The following ABCA13 variants were observed in gnomAD, a reference collection of about 807,000 sequenced individuals.
ABCA13 encodes the protein ATP-binding cassette sub-family A member 13.
A neutral mutation model predicts 478.7 loss-of-function variants in ABCA13; 476 were observed. The ratio of observed to expected loss-of-function variants is 0.99; its 90% CI spans 0.92 to 1.07. The LOEUF is 1.07. Ranked by LOEUF, ABCA13 falls within the 50% of genes least tolerant of loss-of-function variation. The pLI, the probability that ABCA13 is intolerant of heterozygous loss-of-function variation, is 0.00. For missense variants in ABCA13, 6,060 were observed against 5,910.6 expected, an observed-to-expected ratio of 1.03 and a Z score of -0.83; for synonymous variants, 2,252 against 2,158.9, an observed-to-expected ratio of 1.04 and a Z score of -1.20.
At chr7:48,330,855 AG>A (rs1584883003) in intron 27 of ABCA13, among the ~76,000 whole-genome samples, 1 of 152,180 alleles carries the variant, frequency 6.6e-6, no homozygotes, top group East Asian at 1.9e-4. Flanking sequence ...GGGAGAAAGC[AG>A]GCTCTTATTA....
intron 55 of ABCA13, among the ~76,000 whole-genome samples, chr7:48,562,735 G>T (rs1786593117): frequency 6.6e-6 from 1 of 152,078 alleles, no homozygotes; most frequent in African/African-American, 2.4e-5. Flanking sequence ...TTTGGTGTTT[G>T]TTACATGTTC....
intron 27 of ABCA13, among the ~76,000 whole-genome samples, chr7:48,318,411 C>A (rs867337234): frequency 1.3e-5 from 2 of 151,980 alleles, no homozygotes; most frequent in Middle Eastern, 3.2e-3. Context: ...TGCAGTGGTG[C>A]AATCATAGCT....
chr7:48,377,828 G>T (rs2129038215), intron 35 of ABCA13, among the ~76,000 whole-genome samples: 1 of 152,298 alleles, frequency 6.6e-6, no homozygotes, highest in Non-Finnish European at 1.5e-5. Flanking sequence ...TGACTATTGA[G>T]AAGAAGCAAA....
At chr7:48,211,342 C>A (rs1342292275) in intron 3 of ABCA13, among the ~76,000 whole-genome samples, 1 of 152,340 alleles carries the variant, frequency 6.6e-6, no homozygotes, top group South Asian at 2.1e-4. Context: ...CTGTTTCATT[C>A]CTAAGCCCAA....
At chr7:48,539,299 A>G (rs1440289683) in intron 55 of ABCA13, among the ~76,000 whole-genome samples, 3 of 151,372 alleles carry the variant, frequency 2.0e-5, no homozygotes, top group African/African-American at 7.4e-5. Flanking sequence ...ATAGGCACAT[A>G]ATAGCTGGTC....
At position 48,620,344 on chromosome 7, in the gene ABCA13, G is replaced by A. The variant is rs114002910; in HGVS notation, c.14837+4967G>A. ...ATATGAAAAATAAAGAAAATCCTCAGGCTAAGTAAAAGCAGCATGACCATT... is the reference window on the plus strand; with the variant it reads ...ATATGAAAAATAAAGAAAATCCTCAAGCTAAGTAAAAGCAGCATGACCATT... On this transcript the variant is annotated intron_variant, in intron 59 of 61. Coordinates refer to ENST00000435803, the MANE Select transcript of ABCA13 (RefSeq NM_152701.5). Among the ~76,000 whole-genome samples the A allele has an allele frequency of 8.6e-3, 1,310 of 152,236 alleles. 24 individuals are homozygous for A. The highest frequency in any genetic ancestry group is 0.03 in the African/African-American group (1,233 of 41,554).
intron 42 of ABCA13, among the ~76,000 whole-genome samples, chr7:48,441,111 TC>T (rs1211723017): frequency 5.3e-5 from 8 of 152,186 alleles, no homozygotes; most frequent in Non-Finnish European, 1.2e-4. Flanking sequence ...TTTATTATAT[TC>T]TTCAAATTCC....
intron 3 of ABCA13, among the ~76,000 whole-genome samples, chr7:48,203,205 A>G (rs1584161314): frequency 1.3e-5 from 2 of 151,968 alleles, no homozygotes; most frequent in Admixed American, 6.5e-5. Flanking sequence ...GGCTGCTCCG[A>G]GTGCGGGCGG....
chr7:48,640,125 A>C (rs1012370582), intron 59 of ABCA13, among the ~76,000 whole-genome samples: 3 of 152,244 alleles, frequency 2.0e-5, no homozygotes, highest in African/African-American at 7.2e-5. Context: ...TTAATATTAT[A>C]TAATAGCCAT....
At chr7:48,208,935 G>T (rs983338668) in intron 3 of ABCA13, among the ~76,000 whole-genome samples, 5 of 152,002 alleles carry the variant, frequency 3.3e-5, no homozygotes, top group Non-Finnish European at 7.4e-5. Flanking sequence ...AGTAGCTGTG[G>T]TTTTGTCATA....
intron 55 of ABCA13, among the ~76,000 whole-genome samples, chr7:48,546,462 T>C (rs1021489706): frequency 8.8e-6 from 1 of 113,020 alleles, no homozygotes; most frequent in Non-Finnish European, 1.7e-5. Flanking sequence ...GAATTATAGG[T>C]TAAGTTTTAT....
At chr7:48,619,315 G>A (rs1792899389) in intron 59 of ABCA13, among the ~76,000 whole-genome samples, 1 of 151,880 alleles carries the variant, frequency 6.6e-6, no homozygotes, top group East Asian at 1.9e-4. Flanking sequence ...CATCCATGGA[G>A]AAGGGCCTCT....
At chr7:48,337,622 A>G (rs933488453) in intron 28 of ABCA13, among the ~76,000 whole-genome samples, 5 of 152,232 alleles carry the variant, frequency 3.3e-5, no homozygotes, top group African/African-American at 1.2e-4. Context: ...AGAAATTGGC[A>G]AATTCCAAAA....
intron 56 of ABCA13, among the ~76,000 whole-genome samples, chr7:48,580,919 A>G (rs1788643816): frequency 6.6e-6 from 1 of 152,160 alleles, no homozygotes; most frequent in Non-Finnish European, 1.5e-5. Context: ...CCCCACCTCC[A>G]TCACTGCCTG....
chr7:48,505,290 C>G (rs1017166843), intron 48 of ABCA13, among the ~76,000 whole-genome samples: 1 of 152,076 alleles, frequency 6.6e-6, no homozygotes, highest in East Asian at 1.9e-4. Context: ...GATGCCTGGT[C>G]GCAAAGCTGT....
At chr7:48,339,958 T>C (rs936552584) in intron 29 of ABCA13, among the ~76,000 whole-genome samples, 2 of 152,262 alleles carry the variant, frequency 1.3e-5, no homozygotes, top group African/African-American at 4.8e-5. Context: ...TGCACCCTTT[T>C]AAAATTTATA....
rs191191450 is a variant in ABCA13, at chr7:48,300,564, A to G, written c.9321+2077A>G. Among the ~76,000 whole-genome samples the G allele has an allele frequency of 5.3e-5, 8 of 152,340 alleles. No homozygotes were observed. The East Asian group carries it at 1.3e-3, about 26-fold the overall frequency. ...GTCAGACTGGAATGATGATCTGCAT[A>G]TGAAGAGCTATATGAGAGTCACAGA... On this transcript the variant is annotated intron_variant, in intron 23 of 61. Transcript: ENST00000435803.
At position 48,455,237 on chromosome 7, in the gene ABCA13, C is replaced by T; in HGVS notation, c.12766C>T (p.Leu4256Phe). 1 of 1,605,198 alleles carries T rather than the reference C, an allele frequency of 6.2e-7. No individual in the cohort carries two copies. Among genetic ancestry groups the T allele is most frequent in the South Asian group, 1.1e-5 (1 of 89,244 alleles). ...ACCCCTGGCCACCGAGTACCCTCCC[C>T]TCAGACTCACACCTGGACATTACCA... ...VRPLATEYPPLRLTPGHYQRA... is the reference protein window; with the variant it reads ...VRPLATEYPPFRLTPGHYQRA... The change falls in exon 43 of 62, where the codon CTC (leucine) becomes TTC (phenylalanine). Residue 4256 changes from leucine to phenylalanine, a missense_variant. This residue lies in a region of ABCA13 where 1,627 missense variants were observed against 1,571.0 expected (regional missense o/e 1.04). Transcript: ENST00000435803.
At chr7:48,338,225 T>TTTTC (rs1806572569) in intron 28 of ABCA13, 140 bp from the exon 29 acceptor site, 9 of 486,728 alleles carry the variant, frequency 1.8e-5, no homozygotes, top group Non-Finnish European at 2.8e-5. Flanking sequence ...TTTATTGTGG[T>TTTTC]GTTTTAAAAC....
Sources: allele counts gnomAD v4.1 joint callset (sites outside exome capture counted in the v4.1 genomes callset), GRCh38; gene constraint gnomAD v4.1.1; regional missense constraint gnomAD v4.1.1; transcripts MANE v1.5; gene names NCBI Gene and HGNC (gene_info 2026-07-23, HGNC 2026-07-21).